The following PIP5KL1 variants were observed in gnomAD, a reference collection of about 807,000 sequenced individuals.
The protein encoded by PIP5KL1 is phosphatidylinositol-4-phosphate 5-kinase like 1.
Under a neutral mutation model 47.6 loss-of-function variants are expected in PIP5KL1, and 45 were observed. The ratio of observed to expected loss-of-function variants is 0.94; its 90% CI spans 0.74 to 1.21. PIP5KL1 has a LOEUF of 1.21. PIP5KL1 is among the 50% of genes most tolerant of loss of function. The pLI, the probability that PIP5KL1 is intolerant of heterozygous loss-of-function variation, is 0.00. For synonymous variants in PIP5KL1, 256 were observed against 234.6 expected (o/e 1.09, Z -0.84); for missense variants, 577 against 547.6 (o/e 1.05, Z -0.54).
intron 3 of PIP5KL1, 56 bp from the exon 4 acceptor site, chr9:127,928,275 G>T (rs565473418): frequency 1.3e-6 from 2 of 1,532,548 alleles, no homozygotes; most frequent in Non-Finnish European, 1.8e-6. Flanking sequence ...GGTGTGTGCA[G>T]TTGGTCCTGG....
intron 9 of PIP5KL1, 141 bp downstream of exon 9, chr9:127,924,966 G>GCACA (rs143994650): frequency 3.7e-6 from 4 of 1,069,292 alleles, no homozygotes; most frequent in Non-Finnish European, 5.4e-6. Flanking sequence ...GCGCGCACAC[G>GCACA]CACACACACA....
Position 127,927,680 on chromosome 9 carries a change from C to G in PIP5KL1, c.527G>C (p.Arg176Pro). 6.5e-7 allele frequency: 1 copy of G among 1,544,074 alleles called. No individual in the cohort carries two copies. The highest frequency in any genetic ancestry group is 8.7e-7 in the Non-Finnish European group (1 of 1,146,384). The change falls in exon 5 of 10, where the codon CGG becomes CCG. Residue 176 changes from arginine (R) to proline (P), a missense_variant. Physicochemically the swap from Arg to Pro is moderately radical, Grantham distance 103. Transcript: ENST00000388747. This position sits in a 1 kb window ranked among gnomAD's most constrained non-coding sequence, Gnocchi z 5.5. Reference protein sequence around the residue: ...HLPRYVQHLQRHPHSLLARLL... With the variant: ...HLPRYVQHLQPHPHSLLARLL... ...CCGCGCCAGCAGCGAGTGCGGGTGC[C>G]GCTGCAGGTGCTGCACGTAGCGGGG...
chr9:127,921,154 C>T lies in PIP5KL1; in HGVS notation c.*693G>A, dbSNP rs1005110464. On this transcript the variant is annotated 3_prime_UTR_variant, in exon 10 of 10. Transcript: ENST00000388747. The stretch of plus-strand genomic sequence containing the variant: ...ATGTCTGTGAAGCCAAGACCTTGGT[C>T]GGACCACGGACCCTTGCCCCCATTT... 6.6e-5 allele frequency: 10 copies of T among 152,278 alleles called. No individual in the cohort carries two copies. Among genetic ancestry groups the T allele is most frequent in the Admixed American group, 2.0e-4 (3 of 15,284 alleles). 9.4% of individuals were successfully genotyped at this position (152,278 alleles called of 1,614,324 possible).
chr9:127,926,710 A>T (rs1417439583), intron 7 of PIP5KL1, among the ~76,000 whole-genome samples: 2 of 152,254 alleles, frequency 1.3e-5, no homozygotes, highest in Non-Finnish European at 2.9e-5. Flanking sequence ...TCCCAGACAC[A>T]GGGATCCAAC....
At chr9:127,928,366 G>T in intron 3 of PIP5KL1, 67 bp downstream of exon 3, 1 of 1,550,266 alleles carries the variant, frequency 6.5e-7, no homozygotes. Context: ...TGCACAGATG[G>T]GAAAACTGCA....
chr9:127,924,580 G>A (rs993117635), intron 9 of PIP5KL1, among the ~76,000 whole-genome samples: 2 of 150,822 alleles, frequency 1.3e-5, no homozygotes, highest in East Asian at 1.9e-4. Flanking sequence ...CGCTTGAATC[G>A]GGGAGGCAGA....
At chr9:127,930,583 G>T in intron 1 of PIP5KL1, 140 bp downstream of exon 1, 1 of 1,059,322 alleles carries the variant, frequency 9.4e-7, no homozygotes, top group South Asian at 2.1e-5. Context: ...CGCCCCGTGT[G>T]GGGCGTGTCC....
Position 127,928,049 on chromosome 9 carries a change from C to A in PIP5KL1, c.434+16G>T. Reference sequence around the variant, plus strand: ...GTACCACTCCCACCCCTGCCCCACCCCTGCCGCAAGCTCACGACAGGAAGA... The same window carrying A: ...GTACCACTCCCACCCCTGCCCCACCACTGCCGCAAGCTCACGACAGGAAGA... On this transcript the variant is annotated intron_variant, in intron 4 of 9. Coordinates refer to ENST00000388747, the MANE Select transcript of PIP5KL1 (RefSeq NM_001135219.2). 6.5e-7 allele frequency: 1 copy of A among 1,538,266 alleles called. No individual in the cohort carries two copies. Among genetic ancestry groups the A allele is most frequent in the South Asian group, 1.2e-5 (1 of 80,196 alleles).
chr9:127,928,680 G>A lies in PIP5KL1; in HGVS notation c.229-197C>T, dbSNP rs1219529400. The A allele has an allele frequency of 9.7e-6, 6 of 619,676 alleles. No individual in the cohort carries two copies. The East Asian group carries it at 1.1e-4, about 12-fold the overall frequency. The allele number at this position is 619,676 out of a possible 1,614,324, so 38.4% of individuals were successfully genotyped here. On this transcript the variant is annotated intron_variant, in intron 2 of 9. Transcript: ENST00000388747. ...CCTCCCAGGGATGCCAGGGGGACAA[G>A]AGTGACCCACGGCAAGGCCTGAGTG... is the stretch of plus-strand genomic sequence containing the variant.
rs773238654 is a variant in PIP5KL1 at position 127,928,420 on chromosome 9, CTGGGCCTCCTACCTCG to C, written c.276_279+12del. On this transcript the variant is annotated splice_donor_variant and splice_donor_5th_base_variant and coding_sequence_variant and intron_variant, in exon 3 of 10. Transcript: ENST00000388747. LOFTEE classifies it high-confidence loss of function. The stretch of plus-strand genomic sequence containing the variant: ...GCACACGTCCCTCCCACACGGGAGT[CTGGGCCTCCTACCTCG>C]TGAACCTGGGTTAGGACCTCCGAGA... 1.3e-6 allele frequency: 2 copies of C among 1,596,120 alleles called. No individual in the cohort carries two copies. The highest frequency in any genetic ancestry group is 2.3e-5 in the South Asian group (2 of 87,192).
rs941881970 is a variant in PIP5KL1, at chr9:127,921,682, C to T, written c.*165G>A. ...GGAGTCCTTGGCACGATGCTGGGCA[C>T]GGCACCACCGTCAAACGGGACTGCG... On this transcript the variant is annotated 3_prime_UTR_variant, in exon 10 of 10. Transcript: ENST00000388747. 3 of 957,204 alleles carry T rather than the reference C, an allele frequency of 3.1e-6. No individual in the cohort carries two copies. Among genetic ancestry groups the T allele is most frequent in the South Asian group, 1.7e-5 (1 of 57,324 alleles). 59.3% of individuals were successfully genotyped at this position (957,204 alleles called of 1,614,324 possible).
chr9:127,927,030 A>G lies in PIP5KL1; in HGVS notation c.650+123T>C. On this transcript the variant is annotated intron_variant, in intron 7 of 9. Transcript: ENST00000388747. The surrounding 1 kb of genome is among the most constrained non-coding windows in gnomAD (Gnocchi z 5.5). ...TGGGCGTCACTGTCTCTGACCCACC[A>G]GATCTTGGGAACGCCCCTTCTCCTT... is the stretch of plus-strand genomic sequence containing the variant. 1 of 1,174,702 alleles carries G rather than the reference A, an allele frequency of 8.5e-7. No homozygotes were observed. Among genetic ancestry groups the G allele is most frequent in the Non-Finnish European group, 1.2e-6 (1 of 844,780 alleles). 72.8% of individuals were successfully genotyped at this position (1,174,702 alleles called of 1,614,324 possible).
chr9:127,927,992 C>G lies in PIP5KL1; in HGVS notation c.434+73G>C, dbSNP rs528399514. On this transcript the variant is annotated intron_variant, in intron 4 of 9. Coordinates refer to ENST00000388747, the MANE Select transcript of PIP5KL1 (RefSeq NM_001135219.2). This position sits in a 1 kb window ranked among gnomAD's most constrained non-coding sequence, Gnocchi z 5.5. ...GTTTCTCTCTTCAGGGGGCCTTCCC[C>G]GCCACTGGGAATTCTGCCCTCCCAG... 2.1e-4 allele frequency: 306 copies of G among 1,465,292 alleles called. No individual in the cohort carries two copies. The African/African-American group carries it at 4.1e-3, about 20-fold the overall frequency. The allele number at this position is 1,465,292 out of a possible 1,614,324, so 90.8% of individuals were successfully genotyped here.
chr9:127,922,464 G>A (rs1831297012), intron 9 of PIP5KL1, among the ~76,000 whole-genome samples: 1 of 152,234 alleles, frequency 6.6e-6, no homozygotes, highest in South Asian at 2.1e-4. Context: ...TTGGGAGGCC[G>A]AGGCGGGTGG....
At position 127,929,100 on chromosome 9, in the gene PIP5KL1, G is replaced by A. The variant is rs1831403736; in HGVS notation, c.228+588C>T. ...CCATGGAAGCTTTTCAGCAGGTGAT[G>A]AGGTCAGTTTGTGATTTAGAGAACT... On this transcript the variant is annotated intron_variant, in intron 2 of 9. Coordinates refer to ENST00000388747, the MANE Select transcript of PIP5KL1 (RefSeq NM_001135219.2). This position sits in a 1 kb window ranked among gnomAD's most constrained non-coding sequence, Gnocchi z 4.0. 6.6e-6 allele frequency among the ~76,000 whole-genome samples: 1 copy of A among 152,222 alleles called. No homozygotes were observed. Among genetic ancestry groups the A allele is most frequent in the Non-Finnish European group, 1.5e-5 (1 of 68,038 alleles).
chr9:127,927,969 TTCTC>T lies in PIP5KL1; in HGVS notation c.434+92_434+95del. On this transcript the variant is annotated intron_variant, in intron 4 of 9. Transcript: ENST00000388747. The surrounding 1 kb of genome is among the most constrained non-coding windows in gnomAD (Gnocchi z 5.5). ...CCCTCCCAGATTAGGGCCGCTCTGT[TTCTC>T]TCTTCAGGGGGCCTTCCCCGCCACT... 1 of 1,446,400 alleles carries T rather than the reference TTCTC, an allele frequency of 6.9e-7. No individual in the cohort carries two copies. Among genetic ancestry groups the T allele is most frequent in the Non-Finnish European group, 9.2e-7 (1 of 1,090,548 alleles). 89.6% of individuals were successfully genotyped at this position (1,446,400 alleles called of 1,614,324 possible). A position where few individuals can be genotyped will look rare whatever the true frequency, so the allele number is the denominator to read the frequency against.
chr9:127,929,966 C>T lies in PIP5KL1; in HGVS notation c.31-81G>A. On this transcript the variant is annotated intron_variant, in intron 1 of 9. Transcript: ENST00000388747. The surrounding 1 kb of genome is among the most constrained non-coding windows in gnomAD (Gnocchi z 4.0). ...CAGGGTTCAAGTCCCACTTCCACTA[C>T]TTGTGAGACTTCCCCTCATCTCTCT... 3 of 1,202,060 alleles carry T rather than the reference C, an allele frequency of 2.5e-6. No individual in the cohort carries two copies. The highest frequency in any genetic ancestry group is 3.4e-6 in the Non-Finnish European group (3 of 886,656). 74.5% of individuals were successfully genotyped at this position (1,202,060 alleles called of 1,614,324 possible).
In PIP5KL1 at chr9:127,922,069, GT is replaced by G; in HGVS notation, c.962del (p.Asn321ThrfsTer107). 6.4e-7 allele frequency: 1 copy of G among 1,562,178 alleles called. No homozygotes were observed. ...AQSPEESRAQ[N>X]RRLLPDAPNA... Reference sequence around the variant, plus strand: ...TGGGGGCGTCGGGCAGCAGCCGGCGGTTTTGGGCTCTCGACTCTTCCGGGCT... The same window carrying G: ...TGGGGGCGTCGGGCAGCAGCCGGCGGTTTGGGCTCTCGACTCTTCCGGGCT... On this transcript the variant is annotated frameshift_variant, in exon 10 of 10. Transcript: ENST00000388747. LOFTEE classifies it high-confidence loss of function.
chr9:127,928,384 G>C, intron 3 of PIP5KL1, 49 bp downstream of exon 3: 1 of 1,566,606 alleles, frequency 6.4e-7, no homozygotes, highest in South Asian at 1.2e-5. Context: ...GCAGAGGAGA[G>C]AGCAAGACCA....
Sources: gnomAD v4.1 joint callset for allele counts (sites outside exome capture counted in the v4.1 genomes callset) on GRCh38, gnomAD v4.1.1 for gene constraint, Gnocchi (gnomAD v3.1) non-coding constraint, MANE v1.5 for transcripts, NCBI Gene and HGNC (gene_info 2026-07-23, HGNC 2026-07-21) for gene names.